Variants in LMO7 observed in about 807,000 individuals in gnomAD.
LMO7 encodes LIM domain only protein 7.
LMO7 carries 120 observed loss-of-function variants against 206.5 expected under a neutral mutation model. That is an observed-to-expected ratio of 0.58 (90% confidence interval 0.50 to 0.68). LMO7 has a LOEUF of 0.68. Ranked by LOEUF, LMO7 falls within the 30% of genes least tolerant of loss-of-function variation. The pLI, the probability that LMO7 is intolerant of heterozygous loss-of-function variation, is 0.00. For synonymous variants in LMO7, 706 were observed against 681.5 expected (o/e 1.04, Z -0.56); for missense variants, 1,959 against 1,957.9 (o/e 1.00, Z -0.01).
At chr13:75,639,507 C>G (rs1951832) in intron 1 of LMO7, among the ~76,000 whole-genome samples, 79,413 of 152,024 alleles carry the variant, frequency 0.52, 21,060 homozygotes, top group Admixed American at 0.62. Flanking sequence ...GTAATGGTTT[C>G]AAGGCAAAGG....
intron 1 of LMO7, among the ~76,000 whole-genome samples, chr13:75,650,655 C>A (rs1279949738): frequency 5.3e-5 from 8 of 152,106 alleles, no homozygotes. Context: ...TAGCTACTAT[C>A]TATGTGAATT....
intron 27 of LMO7, among the ~76,000 whole-genome samples, chr13:75,851,586 G>T (rs1393277507): frequency 3.3e-5 from 5 of 152,250 alleles, no homozygotes; most frequent in Admixed American, 2.0e-4. Context: ...AAAATTTCAA[G>T]CTTGGGATAA....
intron 2 of LMO7, among the ~76,000 whole-genome samples, chr13:75,626,316 G>C (rs1333579540): frequency 6.6e-6 from 1 of 151,816 alleles, no homozygotes; most frequent in Non-Finnish European, 1.5e-5. Context: ...ATCATGGTGG[G>C]AGGTGAAAGG....
In LMO7 at chr13:75,838,049, A is replaced by G. The variant is rs2059268584; in HGVS notation, c.3395-91A>G. The G allele has an allele frequency of 5.5e-6, 4 of 725,850 alleles. No individual in the cohort carries two copies. The South Asian group carries it at 6.9e-5, about 13-fold the overall frequency. The allele number at this position is 725,850 out of a possible 1,614,324, so 45.0% of individuals were successfully genotyped here. On this transcript the variant is annotated intron_variant, in intron 19 of 30. Transcript: ENST00000377534. ...TGTGATCTTTTAAAATAATATTGCT[A>G]CAGATTGGAAAGGTATATCAAGTAT...
At chr13:75,629,483 G>A (rs1485881755) in intron 2 of LMO7, among the ~76,000 whole-genome samples, 2 of 152,198 alleles carry the variant, frequency 1.3e-5, no homozygotes, top group Non-Finnish European at 2.9e-5. Context: ...TGAGAAGGAA[G>A]AGGCCTGAAT....
chr13:75,770,254 G>A (rs2049454202), intron 4 of LMO7, among the ~76,000 whole-genome samples: 1 of 151,816 alleles, frequency 6.6e-6, no homozygotes, highest in Non-Finnish European at 1.5e-5. Flanking sequence ...TTAGATATAG[G>A]TGTTTATGCC....
At chr13:75,771,545 TCTTTAAAAACAGAATTTTTAAAGA>T (rs1443893325) in intron 4 of LMO7, among the ~76,000 whole-genome samples, 6 of 139,322 alleles carry the variant, frequency 4.3e-5, no homozygotes, top group Non-Finnish European at 7.9e-5. Flanking sequence ...ATAGAATTAG[TCTTTAAAAACAGAATTTTTAAAGA>T]CTTTAAAAAC....
intron 1 of LMO7, among the ~76,000 whole-genome samples, chr13:75,689,851 T>C (rs1250895599): frequency 1.3e-5 from 2 of 152,192 alleles, no homozygotes; most frequent in Non-Finnish European, 2.9e-5. Context: ...ACTGGCTTCC[T>C]TGCTTCTCAG....
chr13:75,856,592 C>T lies in LMO7; in HGVS notation c.4857C>T (p.Cys1619=), dbSNP rs1315028154. 1 of 1,603,866 alleles carries T rather than the reference C, an allele frequency of 6.2e-7. No homozygotes were observed. Among genetic ancestry groups the T allele is most frequent in the African/African-American group, 1.3e-5 (1 of 74,642 alleles). ...ACCACCAACTGTACTGCAACGACTG[C>T]TATCTCAGATTCAAATGTAAGAGAG... The part of the protein sequence containing the change: ...IRNHQLYCND[C]YLRFKSGRPT... Residue 1619 remains cysteine (C), a synonymous_variant, in exon 30 of 31, where the codon TGC becomes TGT. Transcript: ENST00000377534.
chr13:75,761,490 C>G (rs2048219669), intron 4 of LMO7, among the ~76,000 whole-genome samples: 2 of 152,078 alleles, frequency 1.3e-5, no homozygotes, highest in South Asian at 4.1e-4. Context: ...ATTGTGAAGG[C>G]AGCAGCGCCT....
intron 1 of LMO7, among the ~76,000 whole-genome samples, chr13:75,640,311 C>T (rs2036409490): frequency 1.3e-5 from 2 of 152,158 alleles, no homozygotes; most frequent in Non-Finnish European, 2.9e-5. Context: ...TTAATCTCCC[C>T]TGGTAGTTGT....
chr13:75,727,880 G>GT (rs1275058376), intron 3 of LMO7, among the ~76,000 whole-genome samples: 3 of 151,400 alleles, frequency 2.0e-5, no homozygotes, highest in African/African-American at 2.4e-5. Flanking sequence ...GCGGTGTTTG[G>GT]TTTTTTGTCC....
intron 1 of LMO7, among the ~76,000 whole-genome samples, chr13:75,671,363 C>G (rs1030632802): frequency 6.6e-6 from 1 of 152,130 alleles, no homozygotes; most frequent in Non-Finnish European, 1.5e-5. Flanking sequence ...CCAGAATCAC[C>G]ACAAACACAT....
chr13:75,705,260 C>T (rs915436575), intron 1 of LMO7, among the ~76,000 whole-genome samples: 4 of 152,204 alleles, frequency 2.6e-5, no homozygotes, highest in African/African-American at 9.6e-5. Flanking sequence ...GAAATGCCTT[C>T]ACAAGTCACT....
chr13:75,760,366 C>G (rs1478935331), intron 3 of LMO7: 1 of 1,016,240 alleles, frequency 9.8e-7, no homozygotes, highest in Non-Finnish European at 1.2e-6. Context: ...GGTTTCTCCT[C>G]AGTCCTATAG....
intron 15 of LMO7, among the ~76,000 whole-genome samples, chr13:75,831,397 C>T (rs991360056): frequency 6.6e-6 from 1 of 152,116 alleles, no homozygotes; most frequent in African/African-American, 2.4e-5. Flanking sequence ...AATACTTCTG[C>T]CTGTCCATAT....
At chr13:75,723,162 A>G (rs2044166797) in intron 2 of LMO7, among the ~76,000 whole-genome samples, 1 of 152,118 alleles carries the variant, frequency 6.6e-6, no homozygotes, top group Non-Finnish European at 1.5e-5. Context: ...CCTGTTCCCC[A>G]GAAATCCACT....
At chr13:75,744,477 G>T (rs1285590858) in intron 3 of LMO7, among the ~76,000 whole-genome samples, 1 of 152,138 alleles carries the variant, frequency 6.6e-6, no homozygotes, top group South Asian at 2.1e-4. Context: ...ACTTGTAGAG[G>T]TAAAAATAAT....
At chr13:75,717,764 C>T (rs1225794808) in intron 2 of LMO7, among the ~76,000 whole-genome samples, 1 of 152,126 alleles carries the variant, frequency 6.6e-6, no homozygotes, top group East Asian at 1.9e-4. Context: ...TGGGTAGGCC[C>T]CCTGGGGCTT....
Sources: allele counts gnomAD v4.1 joint callset (sites outside exome capture counted in the v4.1 genomes callset), GRCh38; gene constraint gnomAD v4.1.1; transcripts MANE v1.5; gene names NCBI Gene and HGNC (gene_info 2026-07-23, HGNC 2026-07-21).